PTPRK: variants seen among roughly 807,000 people sequenced by gnomAD.
PTPRK encodes the protein protein tyrosine phosphatase receptor type K.
PTPRK carries 75 observed loss-of-function variants against 178.0 expected under a neutral mutation model. The observed-to-expected ratio is 0.42, with a 90% CI of 0.35 to 0.51. The LOEUF is 0.51. PTPRK is among the 20% of genes least tolerant of loss of function. PTPRK has a pLI of 0.02. For synonymous variants in PTPRK, 637 were observed against 620.6 expected, an observed-to-expected ratio of 1.03 and a Z score of -0.39; for missense variants, 1,441 against 1,797.8, an observed-to-expected ratio of 0.80 and a Z score of 3.59.
At chr6:128,232,945 T>C (rs1687071419) in intron 5 of PTPRK, among the ~76,000 whole-genome samples, 1 of 152,256 alleles carries the variant, frequency 6.6e-6, no homozygotes, top group Non-Finnish European at 1.5e-5. Context: ...TCACATATTA[T>C]GTATTTAATC....
intron 5 of PTPRK, among the ~76,000 whole-genome samples, chr6:128,233,613 CT>C (rs1812693326): frequency 1.3e-5 from 2 of 152,198 alleles, no homozygotes; most frequent in Non-Finnish European, 2.9e-5. Context: ...GGCTGAGCAA[CT>C]AGCTGTATCA....
chr6:127,973,111 C>T lies in PTPRK; in HGVS notation c.4180G>A (p.Val1394Ile), dbSNP rs1413374816. ...ACATTTTGCCGTTTCACCATTTCAA[C>T]AACGATGCCTATAGCACAGAACATG... ...SGMFCAIGIV[V>I]EMVKRQNVVD... is the part of the protein sequence containing the mutation. The change falls in exon 29 of 30, where the codon GTT becomes ATT. Residue 1394 changes from valine to isoleucine, a missense_variant. By Grantham distance (29) the Val-to-Ile change is conservative (BLOSUM62 3). This residue lies in a region of PTPRK where 335 missense variants were observed against 512.4 expected (regional missense o/e 0.65). Transcript: ENST00000368226. 1 of 1,613,948 alleles carries T rather than the reference C, an allele frequency of 6.2e-7. No homozygotes were observed. Among genetic ancestry groups the T allele is most frequent in the Non-Finnish European group, 8.5e-7 (1 of 1,179,978 alleles).
At chr6:128,467,211 A>G (rs570003495) in intron 1 of PTPRK, among the ~76,000 whole-genome samples, 4 of 152,118 alleles carry the variant, frequency 2.6e-5, no homozygotes, top group Non-Finnish European at 5.9e-5. Flanking sequence ...CACGTTGCCC[A>G]GGCTGGTCTC....
chr6:128,080,427 G>A (rs75227603), intron 10 of PTPRK, among the ~76,000 whole-genome samples: 1,911 of 152,126 alleles, frequency 0.013, 19 homozygotes, highest in Non-Finnish European at 0.02. Context: ...CAGTGAAGAT[G>A]GGTAAGTCTG....
chr6:128,209,717 T>C (rs999032664), intron 6 of PTPRK, among the ~76,000 whole-genome samples: 2 of 152,136 alleles, frequency 1.3e-5, no homozygotes, highest in Non-Finnish European at 1.5e-5. Context: ...ATCAGTCTCA[T>C]GGAGGAGACA....
rs199552590 is a variant in PTPRK, at chr6:128,307,152, GAA to G, written c.495+14885_495+14886del. 2.2e-3 allele frequency among the ~76,000 whole-genome samples: 254 copies of G among 117,708 alleles called. 2 individuals are homozygous for G. The highest frequency in any genetic ancestry group is 7.9e-3 in the South Asian group (29 of 3,662). 77.2% of individuals were successfully genotyped at this position (117,708 alleles called of 152,430 possible). On this transcript the variant is annotated intron_variant, in intron 3 of 29. Coordinates refer to ENST00000368226, the MANE Select transcript of PTPRK (RefSeq NM_002844.4). ...CAGATAGAAGGCTCAGAGCTCAGAAGAAAAAAAAATATATATATATATATATG... is the reference window on the plus strand; with the variant it reads ...CAGATAGAAGGCTCAGAGCTCAGAAGAAAAAAATATATATATATATATATG...
At chr6:128,494,497 T>A (rs533589738) in intron 1 of PTPRK, among the ~76,000 whole-genome samples, 1 of 152,232 alleles carries the variant, frequency 6.6e-6, no homozygotes, top group East Asian at 1.9e-4. Flanking sequence ...ACTTTGAAAC[T>A]GCTGCCCAAC....
chr6:128,463,159 A>G (rs1376739239), intron 1 of PTPRK, among the ~76,000 whole-genome samples: 4 of 152,186 alleles, frequency 2.6e-5, no homozygotes, highest in Non-Finnish European at 5.9e-5. Context: ...AAAACTGTAC[A>G]TTAGAAAGTG....
intron 1 of PTPRK, among the ~76,000 whole-genome samples, chr6:128,489,897 TACTC>T (rs1295057677): frequency 6.6e-6 from 1 of 152,332 alleles, no homozygotes; most frequent in East Asian, 1.9e-4. Flanking sequence ...TTCCCACACT[TACTC>T]ACCCTCGATG....
At chr6:128,145,999 T>C (rs1354713553) in intron 7 of PTPRK, among the ~76,000 whole-genome samples, 1 of 152,198 alleles carries the variant, frequency 6.6e-6, no homozygotes, top group Non-Finnish European at 1.5e-5. Context: ...CAGCTCCATC[T>C]TTCTCTGTAC....
intron 7 of PTPRK, among the ~76,000 whole-genome samples, chr6:128,121,783 C>A (rs1792511429): frequency 6.6e-6 from 1 of 151,902 alleles, no homozygotes; most frequent in East Asian, 1.9e-4. Flanking sequence ...CCCATCCCAG[C>A]AATCAACTTG....
chr6:128,245,176 C>T (rs9784880), intron 3 of PTPRK, among the ~76,000 whole-genome samples: 17,591 of 152,054 alleles, frequency 0.12, 2,125 homozygotes, highest in East Asian at 0.35. Context: ...AACCAAGGCA[C>T]AAAAGCTAAC....
At chr6:128,387,796 C>T (rs1838966820) in intron 2 of PTPRK, among the ~76,000 whole-genome samples, 1 of 151,996 alleles carries the variant, frequency 6.6e-6, no homozygotes, top group Non-Finnish European at 1.5e-5. Flanking sequence ...GAAGATACTG[C>T]ATATGTAACA....
At position 128,192,710 on chromosome 6, in the gene PTPRK, G is replaced by A. The variant is rs1260505765; in HGVS notation, c.869-7985C>T. ...TGGCAGCTGTGGTCCCAGCTACTCGGGAGGCTGAGATGGGAAGATCACCTG... is the reference window on the plus strand; with the variant it reads ...TGGCAGCTGTGGTCCCAGCTACTCGAGAGGCTGAGATGGGAAGATCACCTG... On this transcript the variant is annotated intron_variant, in intron 6 of 29. Transcript: ENST00000368226. 2.0e-5 allele frequency among the ~76,000 whole-genome samples: 3 copies of A among 151,946 alleles called. No individual in the cohort carries two copies. In the East Asian group the frequency reaches 5.8e-4, roughly 30 times the overall value.
chr6:128,445,068 A>G (rs933605119), intron 1 of PTPRK, among the ~76,000 whole-genome samples: 30 of 151,714 alleles, frequency 2.0e-4, no homozygotes, highest in African/African-American at 7.0e-4. Flanking sequence ...GCTCCTTTCT[A>G]TTATAGAATA....
chr6:128,425,079 C>CTTT (rs1157646907), intron 1 of PTPRK, among the ~76,000 whole-genome samples: 3 of 134,070 alleles, frequency 2.2e-5, no homozygotes, highest in African/African-American at 2.8e-5. Flanking sequence ...AATGTGTAGT[C>CTTT]TTTTTTTTTT....
At chr6:128,375,686 A>C (rs1836974779) in intron 2 of PTPRK, among the ~76,000 whole-genome samples, 1 of 152,186 alleles carries the variant, frequency 6.6e-6, no homozygotes, top group South Asian at 2.1e-4. Flanking sequence ...AAAAGTCCAC[A>C]GTCCAAAGTC....
chr6:128,035,097 C>T (rs1775985960), intron 13 of PTPRK, among the ~76,000 whole-genome samples: 1 of 152,092 alleles, frequency 6.6e-6, no homozygotes, highest in Non-Finnish European at 1.5e-5. Context: ...ATTGGCTGGG[C>T]ACGGTGGCTC....
At chr6:128,054,380 ATAAG>A (rs1779556126) in intron 13 of PTPRK, among the ~76,000 whole-genome samples, 1 of 152,240 alleles carries the variant, frequency 6.6e-6, no homozygotes, top group Non-Finnish European at 1.5e-5. Context: ...GCAATGAATT[ATAAG>A]TATGTATTAA....
Sources: gnomAD v4.1 joint callset for allele counts (sites outside exome capture counted in the v4.1 genomes callset) on GRCh38, gnomAD v4.1.1 for gene constraint, gnomAD v4.1.1 regional missense constraint, MANE v1.5 for transcripts, NCBI Gene and HGNC (gene_info 2026-07-23, HGNC 2026-07-21) for gene names.